Variants in S100A8 observed in about 807,000 individuals in gnomAD.
S100A8 encodes the protein S100 calcium binding protein A8, also known as protein S100-A8.
A neutral mutation model predicts 4.2 loss-of-function variants in S100A8; 1 was observed. The observed-to-expected ratio is 0.24, with a 90% CI of 0.08 to 1.12. The LOEUF is 1.12. Among genes scored for constraint, S100A8 ranks in the 50% most tolerant of loss-of-function variants. The pLI is 0.53. For missense variants in S100A8, 96 were observed against 111.8 expected (o/e 0.86, Z 0.64); for synonymous variants, 41 against 44.7 (o/e 0.92, Z 0.33).
chr1:153,397,414 G>T, the S100A8 span, among the ~76,000 whole-genome samples: 1 of 152,244 alleles, frequency 6.6e-6, no homozygotes, highest in Non-Finnish European at 1.5e-5. Context: ...AAAGCCAGGA[G>T]CCCTGGAGCT....
chr1:153,395,293 G>T (rs1278258724), upstream of S100A8, among the ~76,000 whole-genome samples: 1 of 152,118 alleles, frequency 6.6e-6, no homozygotes, highest in Non-Finnish European at 1.5e-5. Flanking sequence ...CTGTGGTTCT[G>T]CCAGGCTGGA....
the S100A8 span, among the ~76,000 whole-genome samples, chr1:153,402,923 G>C: frequency 1.3e-5 from 2 of 152,190 alleles, no homozygotes; most frequent in Non-Finnish European, 2.9e-5. Flanking sequence ...CAGTCACATA[G>C]ATCAACAGAA....
chr1:153,402,804 G>A, the S100A8 span, among the ~76,000 whole-genome samples: 1 of 152,082 alleles, frequency 6.6e-6, no homozygotes, highest in Non-Finnish European at 1.5e-5. Flanking sequence ...GCCAAGAATA[G>A]CCAAGGGAAT....
the S100A8 span, among the ~76,000 whole-genome samples, chr1:153,407,362 G>T: frequency 3.9e-5 from 6 of 152,168 alleles, no homozygotes; most frequent in Non-Finnish European, 8.8e-5. Flanking sequence ...ACAGAGCCTC[G>T]CTCACTGCTA....
chr1:153,392,050 G>C (rs1557848343), upstream of S100A8, among the ~76,000 whole-genome samples: 1 of 152,166 alleles, frequency 6.6e-6, no homozygotes, highest in Non-Finnish European at 1.5e-5. Flanking sequence ...CTTGAAGACT[G>C]TGGTGTGTTT....
chr1:153,406,291 CATAGCATATG>C, the S100A8 span, among the ~76,000 whole-genome samples: 2 of 152,164 alleles, frequency 1.3e-5, no homozygotes, highest in Non-Finnish European at 2.9e-5. Flanking sequence ...CGGCAGCAAA[CATAGCATATG>C]TGTGGCCAGG....
the S100A8 span, among the ~76,000 whole-genome samples, chr1:153,418,535 A>G: frequency 6.6e-6 from 1 of 152,172 alleles, no homozygotes; most frequent in African/African-American, 2.4e-5. Flanking sequence ...TCACATGCTC[A>G]GGTCCTGCTT....
At chr1:153,402,596 T>G in the S100A8 span, among the ~76,000 whole-genome samples, 2 of 152,110 alleles carry the variant, frequency 1.3e-5, no homozygotes, top group Admixed American at 1.3e-4. Flanking sequence ...TTTGCAAAAT[T>G]TGGACTTTAA....
the S100A8 span, among the ~76,000 whole-genome samples, chr1:153,407,896 A>C: frequency 2.0e-5 from 3 of 152,362 alleles, no homozygotes; most frequent in East Asian, 3.9e-4. Flanking sequence ...ACAGACCTGC[A>C]GCTGAGGGTC....
At chr1:153,417,470 C>T in the S100A8 span, among the ~76,000 whole-genome samples, 317 of 152,286 alleles carry the variant, frequency 2.1e-3, 4 homozygotes, top group Non-Finnish European at 3.1e-3. Flanking sequence ...GTAGGAAGGG[C>T]CCCCTGTCCT....
chr1:153,391,715 G>T (rs1288019969), upstream of S100A8, among the ~76,000 whole-genome samples: 1 of 152,202 alleles, frequency 6.6e-6, no homozygotes, highest in Non-Finnish European at 1.5e-5. Context: ...TTCCTGTTCT[G>T]TGAAGCTGGG....
chr1:153,410,094 T>A, the S100A8 span, among the ~76,000 whole-genome samples: 2 of 151,896 alleles, frequency 1.3e-5, no homozygotes, highest in Admixed American at 6.6e-5. Flanking sequence ...GCAAACACAT[T>A]CAAAAGCTAG....
At chr1:153,395,110 G>T (rs1336063549), upstream of S100A8, among the ~76,000 whole-genome samples, 2 of 152,106 alleles carry the variant, frequency 1.3e-5, no homozygotes, top group African/African-American at 4.8e-5. Flanking sequence ...GTGGGGTCAG[G>T]GATACCGGAG....
At chr1:153,415,198 G>A in the S100A8 span, among the ~76,000 whole-genome samples, 2 of 152,076 alleles carry the variant, frequency 1.3e-5, no homozygotes, top group South Asian at 4.2e-4. Flanking sequence ...GTGTGTGTGT[G>A]TGTGTATCTT....
chr1:153,412,997 G>A, the S100A8 span, among the ~76,000 whole-genome samples: 6 of 152,176 alleles, frequency 3.9e-5, no homozygotes, highest in African/African-American at 1.4e-4. Context: ...GGTTGGGGCA[G>A]CGGGGAGAGA....
chr1:153,400,137 C>T, the S100A8 span, among the ~76,000 whole-genome samples: 1 of 152,188 alleles, frequency 6.6e-6, no homozygotes, highest in South Asian at 2.1e-4. Flanking sequence ...CCCCACTACC[C>T]ATGGCCAGGG....
At position 153,390,383 on chromosome 1, in the gene S100A8, G is replaced by A; in HGVS notation, c.141+12C>T. ...AGGCAGAGAGCCCCCGCCACACCCA[G>A]CCCCTCCTCACCCTGATATACTGAG... is the stretch of plus-strand genomic sequence containing the variant. On this transcript the variant is annotated intron_variant, in intron 2 of 2. Coordinates refer to ENST00000368733, the MANE Select transcript of S100A8 (RefSeq NM_002964.5). 1 of 1,613,726 alleles carries A rather than the reference G, an allele frequency of 6.2e-7. No individual in the cohort carries two copies. The highest frequency in any genetic ancestry group is 8.5e-7 in the Non-Finnish European group (1 of 1,179,684).
At chr1:153,390,651 T>C (rs2101608837) in intron 1 of S100A8, 94 bp from the exon 2 acceptor site, 1 of 1,478,854 alleles carries the variant, frequency 6.8e-7, no homozygotes, top group Non-Finnish European at 9.2e-7. Context: ...GCGATGGCCT[T>C]GTCCTGGCCT....
At chr1:153,411,554 C>T in the S100A8 span, among the ~76,000 whole-genome samples, 12 of 152,188 alleles carry the variant, frequency 7.9e-5, no homozygotes, top group Non-Finnish European at 1.6e-4. Context: ...GGCCATACTG[C>T]CCAAGGTAAT....
Sources: gnomAD v4.1 joint callset for allele counts (sites outside exome capture counted in the v4.1 genomes callset) on GRCh38, gnomAD v4.1.1 for gene constraint, MANE v1.5 for transcripts, NCBI Gene and HGNC (gene_info 2026-07-23, HGNC 2026-07-21) for gene names.